The following GRM8 variants were observed in gnomAD, a reference collection of about 807,000 sequenced individuals.
The protein encoded by GRM8 is metabotropic glutamate receptor 8.
A neutral mutation model predicts 87.2 loss-of-function variants in GRM8; 47 were observed. The observed-to-expected ratio is 0.54, with a 90% CI of 0.43 to 0.69. GRM8 has a LOEUF of 0.69. Among genes scored for constraint, GRM8 ranks in the 30% least tolerant of loss-of-function variants. The pLI is 0.00. For synonymous variants in GRM8, 396 were observed against 404.5 expected (o/e 0.98, Z 0.25); for missense variants, 1,019 against 1,139.2 (o/e 0.89, Z 1.52).
intron 3 of GRM8, among the ~76,000 whole-genome samples, chr7:127,083,324 T>C (rs1275564638): frequency 2.0e-5 from 3 of 152,156 alleles, no homozygotes; most frequent in South Asian, 2.1e-4. Flanking sequence ...TTGCTTGCAA[T>C]TGTTTGATTC....
At chr7:126,694,963 GT>G (rs1459519277) in intron 7 of GRM8, among the ~76,000 whole-genome samples, 1 of 152,090 alleles carries the variant, frequency 6.6e-6, no homozygotes, top group Non-Finnish European at 1.5e-5. Context: ...AATGTAAGTG[GT>G]CCTGTCAGTT....
intron 2 of GRM8, chr7:127,228,420 G>C (rs1451307242): frequency 6.6e-6 from 1 of 152,160 alleles, no homozygotes; most frequent in African/African-American, 2.4e-5. Flanking sequence ...AGGAAGAACG[G>C]GGTCTTCAAA....
chr7:126,475,635 A>T (rs146983834), intron 9 of GRM8, among the ~76,000 whole-genome samples: 169 of 152,284 alleles, frequency 1.1e-3, no homozygotes, highest in African/African-American at 3.9e-3. Flanking sequence ...ATTGTACGGA[A>T]CCACAGTTAA....
intron 3 of GRM8, among the ~76,000 whole-genome samples, chr7:127,041,906 G>C (rs921770856): frequency 2.0e-5 from 3 of 152,160 alleles, no homozygotes; most frequent in African/African-American, 7.2e-5. Context: ...GTCGAGTCGA[G>C]GGAGCTCTGA....
At chr7:126,449,518 C>T (rs1482142439) in intron 9 of GRM8, among the ~76,000 whole-genome samples, 1 of 151,810 alleles carries the variant, frequency 6.6e-6, no homozygotes, top group Non-Finnish European at 1.5e-5. Context: ...AAAGAAGGAC[C>T]TATTACACAC....
intron 2 of GRM8, among the ~76,000 whole-genome samples, chr7:127,198,837 ATTT>A (rs35710456): frequency 1.2e-4 from 15 of 125,780 alleles, no homozygotes; most frequent in African/African-American, 1.8e-4. Context: ...ACCGTGCCTA[ATTT>A]TTTTTTTTTT....
chr7:126,942,462 C>G (rs1335510202), intron 3 of GRM8, among the ~76,000 whole-genome samples: 1 of 152,180 alleles, frequency 6.6e-6, no homozygotes, highest in Non-Finnish European at 1.5e-5. Context: ...TGACAAGGAA[C>G]ATCACAGTAA....
chr7:126,973,847 T>C (rs1387155109), intron 3 of GRM8, among the ~76,000 whole-genome samples: 1 of 152,168 alleles, frequency 6.6e-6, no homozygotes. Context: ...GGAGTCTAAA[T>C]AAAAAACGTC....
chr7:126,465,616 A>C (rs1425965878), intron 9 of GRM8, among the ~76,000 whole-genome samples: 2 of 151,652 alleles, frequency 1.3e-5, no homozygotes, highest in East Asian at 3.9e-4. Context: ...ATTTTTATGT[A>C]TTCATTCCTT....
intron 7 of GRM8, among the ~76,000 whole-genome samples, chr7:126,633,799 T>A (rs1801590075): frequency 6.7e-6 from 1 of 149,628 alleles, no homozygotes; most frequent in Non-Finnish European, 1.5e-5. Context: ...AAATATTATA[T>A]GTACCATATA....
At chr7:126,749,357 G>A (rs1031489788) in intron 7 of GRM8, among the ~76,000 whole-genome samples, 4 of 151,442 alleles carry the variant, frequency 2.6e-5, no homozygotes, top group African/African-American at 4.8e-5. Context: ...ATAAAACTTC[G>A]AGAAGAAACA....
chr7:126,916,500 A>G (rs1439863375), intron 3 of GRM8, among the ~76,000 whole-genome samples: 1 of 152,236 alleles, frequency 6.6e-6, no homozygotes, highest in African/African-American at 2.4e-5. Flanking sequence ...ATTTCCAAAT[A>G]CCTTCTGCAG....
chr7:126,445,893 C>T (rs1209686214), intron 10 of GRM8, among the ~76,000 whole-genome samples: 1 of 151,970 alleles, frequency 6.6e-6, no homozygotes, highest in African/African-American at 2.4e-5. Flanking sequence ...ATCTGAATGT[C>T]ATGCTTTGTA....
chr7:126,743,682 C>T (rs184936429), intron 7 of GRM8, among the ~76,000 whole-genome samples: 4 of 152,104 alleles, frequency 2.6e-5, no homozygotes, highest in African/African-American at 4.8e-5. Flanking sequence ...TAACAGTATA[C>T]GTTGTTTACA....
chr7:126,724,457 T>C (rs1290923822), intron 7 of GRM8, among the ~76,000 whole-genome samples: 1 of 152,158 alleles, frequency 6.6e-6, no homozygotes, highest in African/African-American at 2.4e-5. Flanking sequence ...CTTAGTTCCC[T>C]GAATGATTGC....
intron 2 of GRM8, chr7:127,229,679 T>C (rs1003447684): frequency 1.3e-5 from 2 of 152,164 alleles, no homozygotes; most frequent in Non-Finnish European, 2.9e-5. Flanking sequence ...AAATAATCAT[T>C]TATGCCATTT....
intron 3 of GRM8, among the ~76,000 whole-genome samples, chr7:127,101,333 T>C (rs1825222390): frequency 6.6e-6 from 1 of 152,190 alleles, no homozygotes; most frequent in Non-Finnish European, 1.5e-5. Context: ...GATCCCCCTC[T>C]CCTCAGCAGT....
chr7:127,203,479 G>A (rs899462714), intron 2 of GRM8, among the ~76,000 whole-genome samples: 2 of 152,156 alleles, frequency 1.3e-5, no homozygotes, highest in Non-Finnish European at 2.9e-5. Flanking sequence ...AGGCCAAGGC[G>A]GGTGAATCAC....
intron 6 of GRM8, among the ~76,000 whole-genome samples, chr7:126,810,654 T>C (rs1793201972): frequency 6.6e-6 from 1 of 152,046 alleles, no homozygotes; most frequent in African/African-American, 2.4e-5. Flanking sequence ...ATTACTAAAA[T>C]TCACCACTAC....
Sources: allele counts gnomAD v4.1 joint callset (sites outside exome capture counted in the v4.1 genomes callset), GRCh38; gene constraint gnomAD v4.1.1; transcripts MANE v1.5; gene names NCBI Gene and HGNC (gene_info 2026-07-23, HGNC 2026-07-21).